Variants in ADGB observed in about 807,000 individuals in gnomAD.
ADGB encodes the protein calpain-7-like protein.
ADGB carries 172 observed loss-of-function variants against 210.5 expected under a neutral mutation model. That is an observed-to-expected ratio of 0.82 (90% CI 0.72 to 0.93). ADGB has a LOEUF of 0.93. Among genes scored for constraint, ADGB ranks in the 40% least tolerant of loss-of-function variants. ADGB has a pLI of 0.00. For missense variants in ADGB, 2,025 were observed against 1,964.8 expected, an observed-to-expected ratio of 1.03 and a Z score of -0.58; for synonymous variants, 658 against 662.7, an observed-to-expected ratio of 0.99 and a Z score of 0.11.
intron 35 of ADGB, chr6:146,803,874 A>G (rs1778171288): frequency 2.8e-6 from 1 of 363,088 alleles, no homozygotes; most frequent in East Asian, 4.4e-5. Flanking sequence ...ATAGCTGGGA[A>G]AAGTCTTAAC....
chr6:146,728,540 G>A, intron 19 of ADGB, 34 bp from the exon 20 acceptor site: 1 of 1,539,162 alleles, frequency 6.5e-7, no homozygotes, highest in Non-Finnish European at 8.8e-7. Context: ...ACTTAAGGAT[G>A]AGTGAGGATG....
intron 8 of ADGB, among the ~76,000 whole-genome samples, chr6:146,674,255 G>T (rs185314224): frequency 7.2e-5 from 11 of 152,250 alleles, no homozygotes; most frequent in Non-Finnish European, 1.5e-5. Context: ...CCTGTGAGAA[G>T]CTTGTCCTTG....
At chr6:146,670,824 A>C (rs1248464713) in intron 7 of ADGB, among the ~76,000 whole-genome samples, 1 of 152,190 alleles carries the variant, frequency 6.6e-6, no homozygotes, top group Non-Finnish European at 1.5e-5. Flanking sequence ...AATTAAAAAA[A>C]AAATTTTTAA....
chr6:146,599,276 C>G (rs1408136459), intron 1 of ADGB, among the ~76,000 whole-genome samples, 162 bp downstream of exon 1: 1 of 152,182 alleles, frequency 6.6e-6, no homozygotes, highest in African/African-American at 2.4e-5. Flanking sequence ...GGTGCTCGCT[C>G]TCATCCTTCT....
intron 27 of ADGB, among the ~76,000 whole-genome samples, chr6:146,753,682 A>G (rs939219225): frequency 1.2e-4 from 18 of 151,896 alleles, no homozygotes; most frequent in African/African-American, 4.1e-4. Context: ...GAAATCATCA[A>G]ATTTTACTCC....
chr6:146,809,393 CG>C (rs2114674346), intron 35 of ADGB, among the ~76,000 whole-genome samples: 1 of 152,040 alleles, frequency 6.6e-6, no homozygotes, highest in East Asian at 1.9e-4. Context: ...TTAGTAGAGA[CG>C]GGGGTTTCAC....
chr6:146,683,019 A>G (rs1475946544), intron 9 of ADGB, among the ~76,000 whole-genome samples: 5 of 152,024 alleles, frequency 3.3e-5, no homozygotes, highest in Non-Finnish European at 7.4e-5. Flanking sequence ...GGAATGGATT[A>G]ATGCCATTAT....
chr6:146,803,695 A>G, intron 35 of ADGB: 2 of 1,175,858 alleles, frequency 1.7e-6, no homozygotes, highest in Non-Finnish European at 2.5e-6. Flanking sequence ...TAACATTGTG[A>G]GTTTCCGATG....
intron 26 of ADGB, among the ~76,000 whole-genome samples, chr6:146,750,417 G>C (rs1458851312): frequency 6.6e-6 from 1 of 152,010 alleles, no homozygotes; most frequent in African/African-American, 2.4e-5. Flanking sequence ...ATTTAGTTGA[G>C]CATGGTGGTG....
At chr6:146,637,931 A>C (rs1159196779) in intron 2 of ADGB, among the ~76,000 whole-genome samples, 1 of 152,022 alleles carries the variant, frequency 6.6e-6, no homozygotes, top group Non-Finnish European at 1.5e-5. Flanking sequence ...CAGAGTCACA[A>C]CAACAAAAAA....
chr6:146,691,436 A>ATT, intron 11 of ADGB, 146 bp downstream of exon 11: 2 of 31,506 alleles, frequency 6.3e-5, no homozygotes, highest in Non-Finnish European at 9.7e-5. Flanking sequence ...ATATATATAT[A>ATT]TATATAAAAA....
At chr6:146,732,150 C>G (rs557480516) in intron 20 of ADGB, among the ~76,000 whole-genome samples, 2 of 152,232 alleles carry the variant, frequency 1.3e-5, no homozygotes, top group South Asian at 4.1e-4. Flanking sequence ...GTGATTAAAT[C>G]TTTATAATGC....
chr6:146,685,376 A>G (rs977148717), intron 9 of ADGB, among the ~76,000 whole-genome samples: 3 of 152,080 alleles, frequency 2.0e-5, no homozygotes, highest in Non-Finnish European at 4.4e-5. Context: ...CCTATCTATG[A>G]AAGAAAAGAA....
intron 10 of ADGB, among the ~76,000 whole-genome samples, 155 bp from the exon 11 acceptor site, chr6:146,690,961 T>C (rs376868597): frequency 4.6e-5 from 7 of 152,220 alleles, no homozygotes; most frequent in African/African-American, 1.4e-4. Flanking sequence ...GAAATACAAA[T>C]GATAATAATG....
chr6:146,640,124 A>G (rs1775485300), intron 2 of ADGB, among the ~76,000 whole-genome samples: 1 of 152,062 alleles, frequency 6.6e-6, no homozygotes, highest in Non-Finnish European at 1.5e-5. Flanking sequence ...AGAAACTACT[A>G]CAAACTCCTC....
chr6:146,614,959 G>C (rs1203366862), intron 1 of ADGB, among the ~76,000 whole-genome samples: 1 of 152,180 alleles, frequency 6.6e-6, no homozygotes, highest in Non-Finnish European at 1.5e-5. Flanking sequence ...GGAGTGCAGT[G>C]GCACGATCTC....
chr6:146,689,256 C>T (rs1163063249), intron 10 of ADGB, among the ~76,000 whole-genome samples: 1 of 152,136 alleles, frequency 6.6e-6, no homozygotes, highest in Non-Finnish European at 1.5e-5. Flanking sequence ...GTAAATCTCC[C>T]TCATCCCCTA....
intron 3 of ADGB, among the ~76,000 whole-genome samples, chr6:146,652,725 A>T (rs1051683734): frequency 1.1e-4 from 17 of 152,198 alleles, no homozygotes; most frequent in African/African-American, 4.1e-4. Context: ...TTAAAAAGCT[A>T]TCACAATCTC....
At chr6:146,708,884 C>G (rs1027966442) in intron 13 of ADGB, among the ~76,000 whole-genome samples, 1 of 152,082 alleles carries the variant, frequency 6.6e-6, no homozygotes, top group Non-Finnish European at 1.5e-5. Context: ...ACTGTGTAGT[C>G]CTTTTTCATT....
Sources: gnomAD v4.1 joint callset for allele counts (sites outside exome capture counted in the v4.1 genomes callset) on GRCh38, gnomAD v4.1.1 for gene constraint, MANE v1.5 for transcripts, NCBI Gene and HGNC (gene_info 2026-07-23, HGNC 2026-07-21) for gene names.